The following SSUH2 variants were observed in gnomAD, a reference collection of about 807,000 sequenced individuals.
The protein encoded by SSUH2 is protein SSUH2 homolog.
SSUH2 carries 47 observed loss-of-function variants against 55.3 expected under a neutral mutation model. The ratio of observed to expected loss-of-function variants is 0.85; its 90% CI spans 0.67 to 1.08. SSUH2 has a LOEUF of 1.08. Among genes scored for constraint, SSUH2 ranks in the 50% least tolerant of loss-of-function variants. SSUH2 has a pLI of 0.00. For synonymous variants in SSUH2, 212 were observed against 191.5 expected (o/e 1.11, Z -0.89); for missense variants, 535 against 490.7 (o/e 1.09, Z -0.85).
chr3:8,668,547 A>G (rs888000423), intron 5 of SSUH2, among the ~76,000 whole-genome samples: 1 of 152,212 alleles, frequency 6.6e-6, no homozygotes, highest in Non-Finnish European at 1.5e-5. Context: ...TGCTTCAAAG[A>G]CATCATCAAC....
chr3:8,647,495 G>T (rs1464347414), upstream of SSUH2, among the ~76,000 whole-genome samples: 1 of 152,202 alleles, frequency 6.6e-6, no homozygotes, highest in African/African-American at 2.4e-5. Flanking sequence ...AAGTGGACAT[G>T]GCAGCACTGC....
intron 6 of SSUH2, among the ~76,000 whole-genome samples, chr3:8,663,572 G>A (rs761704752): frequency 6.6e-6 from 1 of 152,194 alleles, no homozygotes; most frequent in African/African-American, 2.4e-5. Context: ...GGGGCGGGGT[G>A]GGGGGTGTCT....
chr3:8,675,273 G>A (rs112486563), intron 3 of SSUH2, among the ~76,000 whole-genome samples: 188 of 152,274 alleles, frequency 1.2e-3, no homozygotes, highest in Non-Finnish European at 1.4e-3. Context: ...GGGAAGATCC[G>A]GAGTCAGGTG....
At position 8,619,724 on chromosome 3, in the gene SSUH2, AGAT is replaced by A. The variant is rs143198449; in HGVS notation, c.*141_*143del. On this transcript the variant is annotated 3_prime_UTR_variant, in exon 12 of 12. Coordinates refer to ENST00000544814, the MANE Select transcript of SSUH2 (RefSeq NM_001256748.3). ...GCTGTATAAGGGGTTGGAGCTTGAT[AGAT>A]GATAAGCTGGTTTTTCTGGAAGGAC... The A allele has an allele frequency of 2.3e-3, 2,016 of 893,976 alleles. 41 individuals are homozygous for A. The African/African-American group carries it at 0.03, about 14-fold the overall frequency. The allele number at this position is 893,976 out of a possible 1,614,324, so 55.4% of individuals were successfully genotyped here.
chr3:8,631,055 G>T, intron 5 of SSUH2, 126 bp from the exon 6 acceptor site: 1 of 1,023,358 alleles, frequency 9.8e-7, no homozygotes, highest in Non-Finnish European at 1.3e-6. Flanking sequence ...GGGCTACAGG[G>T]ATGGATAGTC....
At chr3:8,654,616 G>A (rs1202690067) in intron 7 of SSUH2, among the ~76,000 whole-genome samples, 7 of 152,160 alleles carry the variant, frequency 4.6e-5, no homozygotes, top group Non-Finnish European at 8.8e-5. Context: ...TCACTTTACA[G>A]ACAGATGCCG....
Position 8,627,724 on chromosome 3 carries a change from C to T in SSUH2, c.648G>A (p.Gln216=), listed in dbSNP as rs756835646. 2.5e-6 allele frequency: 4 copies of T among 1,608,660 alleles called. No homozygotes were observed. The highest frequency in any genetic ancestry group is 3.4e-6 in the Non-Finnish European group (4 of 1,177,536). ...TTCGCCTGCCGGACCCCGCGCACAGCTGACATCTCCGGGACTGCTTGGCTT... is the reference window on the plus strand; with the variant it reads ...TTCGCCTGCCGGACCCCGCGCACAGTTGACATCTCCGGGACTGCTTGGCTT... The part of the protein sequence containing the change: ...KRKAKQSRRC[Q]LCAGSGRRRC... The change falls in exon 8 of 12, where the codon CAG becomes CAA. Residue 216 remains glutamine, a synonymous_variant. Coordinates refer to ENST00000544814, the MANE Select transcript of SSUH2 (RefSeq NM_001256748.3).
chr3:8,629,329 A>G (rs1357635224), intron 7 of SSUH2: 3 of 306,012 alleles, frequency 9.8e-6, no homozygotes, highest in Admixed American at 4.9e-5. Flanking sequence ...CCTGGCTGAC[A>G]AAGACTGCCT....
At chr3:8,627,016 G>A (rs189138111) in intron 8 of SSUH2, 2 of 152,316 alleles carry the variant, frequency 1.3e-5, no homozygotes, top group South Asian at 2.1e-4. Flanking sequence ...GTCAGAGACT[G>A]TCTCTACCAA....
At chr3:8,640,308 T>C (rs1216358999) in intron 1 of SSUH2, among the ~76,000 whole-genome samples, 1 of 152,198 alleles carries the variant, frequency 6.6e-6, no homozygotes, top group Non-Finnish European at 1.5e-5. Flanking sequence ...AAAGAAGTTC[T>C]GTTTTTGCCA....
intron 2 of SSUH2, among the ~76,000 whole-genome samples, chr3:8,679,384 G>GT (rs1705785985): frequency 1.4e-5 from 1 of 71,012 alleles, no homozygotes; most frequent in South Asian, 4.9e-4. Context: ...GCATCCCCCA[G>GT]GAGGAGGGGA....
Position 8,630,689 on chromosome 3 carries a change from C to T in SSUH2, c.525+116G>A, listed in dbSNP as rs560686038. On this transcript the variant is annotated intron_variant, in intron 6 of 11. Coordinates refer to ENST00000544814, the MANE Select transcript of SSUH2 (RefSeq NM_001256748.3). Reference sequence around the variant, plus strand: ...GTTTATTTATAACCAACAAATGAAGCACCGGCCTGAATTTTGGGTTTCCCT... The same window carrying T: ...GTTTATTTATAACCAACAAATGAAGTACCGGCCTGAATTTTGGGTTTCCCT... 6 of 958,008 alleles carry T rather than the reference C, an allele frequency of 6.3e-6. No homozygotes were observed. The African/African-American group carries it at 8.5e-5, about 14-fold the overall frequency. The allele number at this position is 958,008 out of a possible 1,614,324, so 59.3% of individuals were successfully genotyped here.
intron 6 of SSUH2, chr3:8,659,569 A>G (rs1703270617): frequency 3.0e-6 from 1 of 329,186 alleles, no homozygotes; most frequent in East Asian, 8.7e-5. Flanking sequence ...TCCCAAGTCC[A>G]TATCATGTCT....
At chr3:8,678,641 T>A (rs1487423292) in intron 2 of SSUH2, among the ~76,000 whole-genome samples, 1 of 50,014 alleles carries the variant, frequency 2.0e-5, no homozygotes, top group African/African-American at 7.1e-5. Context: ...GGGACCCCCA[T>A]CGCAGTGGGG....
At chr3:8,679,402 C>G (rs1400252799) in intron 2 of SSUH2, among the ~76,000 whole-genome samples, 5 of 131,676 alleles carry the variant, frequency 3.8e-5, no homozygotes, top group South Asian at 2.4e-4. Context: ...GGACTGAGAG[C>G]CAGCCCCTCT....
rs1192325049 is a variant in SSUH2 at position 8,678,761 on chromosome 3, G to C, written c.-901+944C>G. ...GCACCACACGCGAGGCGGGGAAAGA[G>C]AGCCAGCCCCTCTTCCCTCCCTGCC... is the stretch of plus-strand genomic sequence containing the variant. On this transcript the variant is annotated intron_variant, in intron 2 of 18. Transcript: ENST00000317371. 1.1e-4 allele frequency among the ~76,000 whole-genome samples: 11 copies of C among 103,054 alleles called. 5 individuals are homozygous for C. The South Asian group carries it at 4.2e-3, about 39-fold the overall frequency. 67.6% of individuals were successfully genotyped at this position (103,054 alleles called of 152,430 possible).
At chr3:8,656,026 T>C (rs1702901251) in intron 7 of SSUH2, among the ~76,000 whole-genome samples, 2 of 152,158 alleles carry the variant, frequency 1.3e-5, no homozygotes, top group South Asian at 4.1e-4. Flanking sequence ...AAGTTTCTAG[T>C]TGTTGGGTGG....
At chr3:8,670,611 G>T (rs942816209) in intron 5 of SSUH2, among the ~76,000 whole-genome samples, 1 of 152,084 alleles carries the variant, frequency 6.6e-6, no homozygotes, top group Non-Finnish European at 1.5e-5. Context: ...ATGACAGGGA[G>T]TACATGCCGT....
chr3:8,653,116 G>A (rs1275858332), intron 7 of SSUH2, among the ~76,000 whole-genome samples: 1 of 152,188 alleles, frequency 6.6e-6, no homozygotes, highest in Non-Finnish European at 1.5e-5. Context: ...GATCTAAATT[G>A]AGAATCACAT....
Sources: allele counts gnomAD v4.1 joint callset (sites outside exome capture counted in the v4.1 genomes callset), GRCh38; gene constraint gnomAD v4.1.1; transcripts MANE v1.5; gene names NCBI Gene and HGNC (gene_info 2026-07-23, HGNC 2026-07-21).